GPC5: variants seen among roughly 807,000 people sequenced by gnomAD.
The protein encoded by GPC5 is glypican 5, also known as glypican-5.
In GPC5, 47 loss-of-function variants were observed where a neutral mutation model predicts 53.9. That is an observed-to-expected ratio of 0.87 (90% CI 0.69 to 1.11). The LOEUF is 1.11. Ranked by LOEUF, GPC5 falls within the 50% of genes most tolerant of loss-of-function variation. The pLI is 0.00. For synonymous variants in GPC5, 286 were observed against 263.3 expected (o/e 1.09, Z -0.84); for missense variants, 748 against 713.1 (o/e 1.05, Z -0.56).
intron 7 of GPC5, among the ~76,000 whole-genome samples, chr13:92,741,830 C>T (rs1229141398): frequency 3.9e-5 from 6 of 151,930 alleles, no homozygotes; most frequent in Non-Finnish European, 7.4e-5. Context: ...AGTAAGAACA[C>T]GCGGTGTTTG....
intron 6 of GPC5, among the ~76,000 whole-genome samples, chr13:91,964,212 T>C (rs752256400): frequency 3.3e-5 from 5 of 152,176 alleles, no homozygotes; most frequent in Non-Finnish European, 7.3e-5. Context: ...ACAAAGGCAG[T>C]GCAGACCCAA....
At chr13:91,943,800 T>A (rs967680636) in intron 6 of GPC5, among the ~76,000 whole-genome samples, 3 of 152,186 alleles carry the variant, frequency 2.0e-5, no homozygotes, top group African/African-American at 7.2e-5. Flanking sequence ...GATGTAACAT[T>A]GTTAAATCAT....
intron 7 of GPC5, among the ~76,000 whole-genome samples, chr13:92,362,438 A>G (rs1230028385): frequency 6.6e-6 from 1 of 151,832 alleles, no homozygotes; most frequent in Non-Finnish European, 1.5e-5. Flanking sequence ...GACTATTACT[A>G]GCTCCTTTCA....
chr13:92,129,054 C>T (rs2041722863), intron 6 of GPC5, among the ~76,000 whole-genome samples: 1 of 152,168 alleles, frequency 6.6e-6, no homozygotes. Flanking sequence ...GCCTCAAAAA[C>T]ATGGCCAACC....
At chr13:92,764,965 C>A (rs1246505385) in intron 7 of GPC5, among the ~76,000 whole-genome samples, 1 of 152,140 alleles carries the variant, frequency 6.6e-6, no homozygotes, top group East Asian at 1.9e-4. Flanking sequence ...AAGACTCAGA[C>A]CACACACTTT....
intron 7 of GPC5, among the ~76,000 whole-genome samples, chr13:92,737,634 A>G (rs889721311): frequency 6.6e-6 from 1 of 151,698 alleles, no homozygotes; most frequent in Non-Finnish European, 1.5e-5. Context: ...GTTTTTACTT[A>G]TGTTTTTGCA....
chr13:91,692,538 A>T (rs2035778416), intron 2 of GPC5, among the ~76,000 whole-genome samples: 1 of 152,232 alleles, frequency 6.6e-6, no homozygotes, highest in Non-Finnish European at 1.5e-5. Context: ...ATGAAGTCAG[A>T]TTATGAATTA....
chr13:91,522,253 T>G (rs1885857851), intron 2 of GPC5, among the ~76,000 whole-genome samples: 1 of 152,150 alleles, frequency 6.6e-6, no homozygotes, highest in South Asian at 2.1e-4. Flanking sequence ...AAGTCTCAAC[T>G]CTCTAAACGT....
chr13:92,188,849 G>T (rs1261166029), intron 7 of GPC5, among the ~76,000 whole-genome samples: 1 of 152,196 alleles, frequency 6.6e-6, no homozygotes, highest in African/African-American at 2.4e-5. Context: ...CCGACAGCAG[G>T]TGAAAAGCTA....
intron 7 of GPC5, among the ~76,000 whole-genome samples, chr13:92,400,546 T>C (rs1429914305): frequency 6.6e-6 from 1 of 152,202 alleles, no homozygotes; most frequent in African/African-American, 2.4e-5. Flanking sequence ...TCTCTTACCC[T>C]TTCCATATAT....
At chr13:92,436,344 G>A (rs1877304542) in intron 7 of GPC5, among the ~76,000 whole-genome samples, 1 of 152,144 alleles carries the variant, frequency 6.6e-6, no homozygotes, top group Admixed American at 6.6e-5. Flanking sequence ...ACAGGACTTT[G>A]TCATTCATAT....
chr13:92,186,028 T>A (rs1015314184), intron 7 of GPC5, among the ~76,000 whole-genome samples: 1 of 152,124 alleles, frequency 6.6e-6, no homozygotes, highest in Non-Finnish European at 1.5e-5. Context: ...TAAAGTTAAA[T>A]GTAAGTATAA....
chr13:92,470,158 G>A lies in GPC5; in HGVS notation c.1561+325169G>A, dbSNP rs141637785. Among the ~76,000 whole-genome samples, 1,191 of 152,198 alleles carry A rather than the reference G, an allele frequency of 7.8e-3. 17 individuals are homozygous for A. Among genetic ancestry groups the A allele is most frequent in the African/African-American group, 0.027 (1,109 of 41,538 alleles). On this transcript the variant is annotated intron_variant, in intron 7 of 7. Coordinates refer to ENST00000377067, the MANE Select transcript of GPC5 (RefSeq NM_004466.6). ...ACCTTAGGGCATGTTTAAGGATCAC[G>A]TTTAATTATAGGAGGAAAGATGAAT...
intron 7 of GPC5, among the ~76,000 whole-genome samples, chr13:92,299,054 T>C (rs953914956): frequency 6.6e-6 from 1 of 152,202 alleles, no homozygotes; most frequent in African/African-American, 2.4e-5. Context: ...GAGAAAATTT[T>C]ATAAAATTTT....
At chr13:92,328,674 C>T (rs776219557) in intron 7 of GPC5, among the ~76,000 whole-genome samples, 6 of 152,026 alleles carry the variant, frequency 3.9e-5, no homozygotes, top group African/African-American at 9.7e-5. Context: ...GCAATTTATT[C>T]GCATCACTCC....
At position 91,819,151 on chromosome 13, in the gene GPC5, C is replaced by CTTTT. The variant is rs386380203; in HGVS notation, c.1280+62754_1280+62757dup. Among the ~76,000 whole-genome samples the CTTTT allele has an allele frequency of 5.2e-5, 3 of 58,046 alleles. 1 individual carries two copies. The highest frequency in any genetic ancestry group is 1.3e-3 in the East Asian group (2 of 1,590). 38.1% of individuals were successfully genotyped at this position (58,046 alleles called of 152,430 possible). ...TTCTTTTTATTAAAAAAAATATGCGCTTTTTTTTTTTTTTTTTTTTTTTTT... is the reference window on the plus strand; with the variant it reads ...TTCTTTTTATTAAAAAAAATATGCGCTTTTTTTTTTTTTTTTTTTTTTTTTTTTT... On this transcript the variant is annotated intron_variant, in intron 5 of 7. Transcript: ENST00000377067.
chr13:92,246,246 T>G (rs1385461593), intron 7 of GPC5, among the ~76,000 whole-genome samples: 1 of 152,188 alleles, frequency 6.6e-6, no homozygotes. Context: ...GATCTTTATA[T>G]CCATTGGTGT....
At chr13:91,421,001 T>C (rs1403155583) in intron 1 of GPC5, among the ~76,000 whole-genome samples, 1 of 152,254 alleles carries the variant, frequency 6.6e-6, no homozygotes, top group African/African-American at 2.4e-5. Flanking sequence ...AAATTTATGT[T>C]GGCATCTTTT....
At chr13:91,571,871 A>ATACGTGTGTGTGTG (rs2031844527) in intron 2 of GPC5, among the ~76,000 whole-genome samples, 6 of 70,190 alleles carry the variant, frequency 8.5e-5, no homozygotes, top group African/African-American at 2.5e-4. Context: ...GTGTGTGTAT[A>ATACGTGTGTGTGTG]TATACACACA....
Sources: gnomAD v4.1 joint callset for allele counts (sites outside exome capture counted in the v4.1 genomes callset) on GRCh38, gnomAD v4.1.1 for gene constraint, MANE v1.5 for transcripts, NCBI Gene and HGNC (gene_info 2026-07-23, HGNC 2026-07-21) for gene names.